The following LRIG2 variants were observed in gnomAD, a reference collection of about 807,000 sequenced individuals.
The protein encoded by LRIG2 is leucine-rich repeats and immunoglobulin-like domains protein 2.
In LRIG2, 93 loss-of-function variants were observed where a neutral mutation model predicts 107.8. The observed-to-expected ratio is 0.86, with a 90% CI of 0.73 to 1.03. LRIG2 has a LOEUF of 1.03. LRIG2 is among the 50% of genes least tolerant of loss of function. The pLI is 0.00. For synonymous variants in LRIG2, 471 were observed against 470.6 expected (o/e 1.00, Z -0.01); for missense variants, 1,226 against 1,296.0 (o/e 0.95, Z 0.83).
intron 1 of LRIG2, among the ~76,000 whole-genome samples, chr1:113,078,786 A>G (rs1337738404): frequency 1.3e-5 from 2 of 151,284 alleles, no homozygotes; most frequent in African/African-American, 2.4e-5. Flanking sequence ...GATTACAGGC[A>G]TGCACCACCA....
chr1:113,123,461 C>A lies in LRIG2; in HGVS notation c.2972-414C>A, dbSNP rs539227618. Among the ~76,000 whole-genome samples the A allele has an allele frequency of 4.9e-4, 75 of 152,266 alleles. 1 individual carries two copies. The highest frequency in any genetic ancestry group is 1.8e-3 in the African/African-American group (74 of 41,550). ...TGGTGGCACATGCCTGTAATCCCAGCTACTTGGGAGGCTGACGCAGTAGAA... is the reference window on the plus strand; with the variant it reads ...TGGTGGCACATGCCTGTAATCCCAGATACTTGGGAGGCTGACGCAGTAGAA... On this transcript the variant is annotated intron_variant, in intron 17 of 17. Coordinates refer to ENST00000361127, the MANE Select transcript of LRIG2 (RefSeq NM_014813.3).
At chr1:113,119,575 TCTTC>T in intron 17 of LRIG2, 52 bp downstream of exon 17, 1 of 1,546,114 alleles carries the variant, frequency 6.5e-7, no homozygotes, top group Non-Finnish European at 8.8e-7. Flanking sequence ...TCTAATTGAC[TCTTC>T]CTTCTATCAT....
intron 2 of LRIG2, among the ~76,000 whole-genome samples, chr1:113,091,940 A>G (rs924552994): frequency 6.6e-6 from 1 of 152,216 alleles, no homozygotes; most frequent in African/African-American, 2.4e-5. Context: ...TAGAGGCACA[A>G]CCGTTAAGGT....
At chr1:113,084,606 T>C (rs1653463642) in intron 1 of LRIG2, among the ~76,000 whole-genome samples, 1 of 107,508 alleles carries the variant, frequency 9.3e-6, no homozygotes, top group Admixed American at 1.2e-4. Context: ...ATATTAAAAA[T>C]GTTTTGCATT....
intron 1 of LRIG2, among the ~76,000 whole-genome samples, chr1:113,079,671 CAAAAAAAA>C (rs568909236): frequency 0.01 from 746 of 73,508 alleles, 4 homozygotes; most frequent in Non-Finnish European, 0.013. Context: ...GACTCCATCT[CAAAAAAAA>C]AAAAGAAAAA....
chr1:113,089,018 T>A (rs1288064812), intron 1 of LRIG2, among the ~76,000 whole-genome samples: 1 of 152,252 alleles, frequency 6.6e-6, no homozygotes, highest in Non-Finnish European at 1.5e-5. Context: ...AAGTGATGGT[T>A]TAACACACAG....
intron 16 of LRIG2, among the ~76,000 whole-genome samples, chr1:113,118,872 G>C (rs1165331491): frequency 2.6e-5 from 4 of 152,128 alleles, no homozygotes; most frequent in African/African-American, 4.8e-5. Flanking sequence ...CACCGTGTTA[G>C]CCAGGATGGT....
rs772956914 is a variant in LRIG2 at position 113,119,437 on chromosome 1, C to T, written c.2885C>T (p.Pro962Leu). Residue 962 changes from proline (P) to leucine (L), a missense_variant, in exon 17 of 18, where the codon CCG becomes CTG. Around this residue, in one of 3 missense-constraint regions of LRIG2, gnomAD observed 642 missense variants for 712.2 expected, o/e 0.90. Coordinates refer to ENST00000361127, the MANE Select transcript of LRIG2 (RefSeq NM_014813.3). The part of the protein sequence containing the change: ...QDTTALESLI[P>L]SANREPSAFP... ...ACTACTGCCCTAGAGAGCCTGATAC[C>T]GTCAGCCAACAGAGAGCCATCTGCC... 21 of 1,613,880 alleles carry T rather than the reference C, an allele frequency of 1.3e-5. No individual in the cohort carries two copies. Among genetic ancestry groups the T allele is most frequent in the Middle Eastern group, 1.6e-4 (1 of 6,084 alleles).
intron 1 of LRIG2, among the ~76,000 whole-genome samples, chr1:113,080,039 T>TTG: frequency 6.8e-6 from 1 of 147,760 alleles, no homozygotes; most frequent in East Asian, 2.0e-4. Context: ...TTTTTTTTTT[T>TTG]GAGACGGAAT....
chr1:113,074,270 G>A (rs967952837), intron 1 of LRIG2, among the ~76,000 whole-genome samples: 4 of 152,278 alleles, frequency 2.6e-5, no homozygotes, highest in Admixed American at 2.0e-4. Flanking sequence ...CTGTAAAGAG[G>A]AGGAGTATTT....
chr1:113,120,471 T>A (rs1033142873), intron 17 of LRIG2, among the ~76,000 whole-genome samples: 14 of 151,496 alleles, frequency 9.2e-5, no homozygotes, highest in Admixed American at 5.9e-4. Context: ...TAATAAAATT[T>A]GGGCATAATT....
rs570774054 is a variant in LRIG2, at chr1:113,073,643, C to A, written c.237C>A (p.Ile79=). 1 of 1,610,832 alleles carries A rather than the reference C, an allele frequency of 6.2e-7. No individual in the cohort carries two copies. Among genetic ancestry groups the A allele is most frequent in the Admixed American group, 1.7e-5 (1 of 59,978 alleles). The change falls in exon 1 of 18, where the codon ATC becomes ATA. Residue 79 remains isoleucine, a splice_region_variant and synonymous_variant. Coordinates refer to ENST00000361127, the MANE Select transcript of LRIG2 (RefSeq NM_014813.3). ...GCTTGCTGCCCCCCGACACCGCTATCCTGTGAGTAGAGCGGCCAGGCAGAG... is the reference window on the plus strand; with the variant it reads ...GCTTGCTGCCCCCCGACACCGCTATACTGTGAGTAGAGCGGCCAGGCAGAG... ...LSGLLPPDTA[I]LDFSHNRLSN... is the part of the protein sequence containing the mutation.
In LRIG2 at chr1:113,115,889, C is replaced by T. The variant is rs1570770232; in HGVS notation, c.2531-398C>T. ...TTTAATGTCTAAGGCTCCTTTTCAT[C>T]ATAATTTTGCTGTAAGGAAGAGTGG... On this transcript the variant is annotated intron_variant, in intron 15 of 17. Transcript: ENST00000361127. Among the ~76,000 whole-genome samples, 5 of 152,280 alleles carry T rather than the reference C, an allele frequency of 3.3e-5. No homozygotes were observed. In the South Asian group the frequency reaches 1.0e-3, roughly 32 times the overall value.
In LRIG2 at chr1:113,114,799, T is replaced by C; in HGVS notation, c.2453T>C (p.Val818Ala). Residue 818 changes from valine (V) to alanine (A), a missense_variant, in exon 15 of 18, where the codon GTT becomes GCT. Val to Ala is a moderately conservative substitution (Grantham distance 64, BLOSUM62 0). Around this residue, in one of 3 missense-constraint regions of LRIG2, gnomAD observed 642 missense variants for 712.2 expected, o/e 0.90. Transcript: ENST00000361127. ...IVIIVVVCCV[V>A]GTSLIWVIVI... Reference sequence around the variant, plus strand: ...ATCATTGTTGTGGTCTGCTGTGTTGTTGGCACTTCTTTGATCTGGGTCATT... The same window carrying C: ...ATCATTGTTGTGGTCTGCTGTGTTGCTGGCACTTCTTTGATCTGGGTCATT... 1 of 1,614,204 alleles carries C rather than the reference T, an allele frequency of 6.2e-7. No individual in the cohort carries two copies. The highest frequency in any genetic ancestry group is 8.5e-7 in the Non-Finnish European group (1 of 1,180,046).
Position 113,110,498 on chromosome 1 carries a change from T to C in LRIG2, c.1734T>C (p.Tyr578=), listed in dbSNP as rs780035832. 1.2e-5 allele frequency: 19 copies of C among 1,613,576 alleles called. No homozygotes were observed. Among genetic ancestry groups the C allele is most frequent in the Admixed American group, 5.0e-5 (3 of 60,022 alleles). Residue 578 remains tyrosine, a synonymous_variant, in exon 13 of 18, where the codon TAT becomes TAC. Transcript: ENST00000361127. ...TGAATTTCACAGATGAAGGAAAATA[T>C]CAGTGTATTGTTACTAATCACTTTG... ...FNVNFTDEGK[Y]QCIVTNHFGS...
chr1:113,118,253 A>G (rs543422262), intron 16 of LRIG2, among the ~76,000 whole-genome samples: 2 of 152,146 alleles, frequency 1.3e-5, no homozygotes, highest in South Asian at 4.2e-4. Flanking sequence ...CTCACTCTTT[A>G]TTTCTCACTC....
chr1:113,107,309 T>G (rs1287376553), intron 11 of LRIG2, among the ~76,000 whole-genome samples: 1 of 152,204 alleles, frequency 6.6e-6, no homozygotes, highest in Non-Finnish European at 1.5e-5. Flanking sequence ...TTTGCAGATT[T>G]TTTTTTCAAT....
chr1:113,100,346 A>T lies in LRIG2; in HGVS notation c.1244+64A>T, dbSNP rs1654253792. 9 of 1,458,820 alleles carry T rather than the reference A, an allele frequency of 6.2e-6. No individual in the cohort carries two copies. In the Admixed American group the frequency reaches 8.7e-5, roughly 14 times the overall value. The allele number at this position is 1,458,820 out of a possible 1,614,324, so 90.4% of individuals were successfully genotyped here. ...ATCTTTGCTATTAGCAGAGGTTTTC[A>T]TGACCATGTAAAGTGTTTATGTAAC... On this transcript the variant is annotated intron_variant, in intron 10 of 17. Coordinates refer to ENST00000361127, the MANE Select transcript of LRIG2 (RefSeq NM_014813.3).
chr1:113,091,364 T>A lies in LRIG2; in HGVS notation c.286T>A (p.Ser96Thr). The change falls in exon 2 of 18, where the codon TCA (serine) becomes ACA (threonine). Residue 96 changes from serine (S) to threonine (T), a missense_variant. Coordinates refer to ENST00000361127, the MANE Select transcript of LRIG2 (RefSeq NM_014813.3). ...GTCTAACTGGAACATCAGCTTGGAA[T>A]CACAAACATTACAGGAAGTGTAAGT... ...RLSNWNISLE[S>T]QTLQEVKMNY... 6.2e-7 allele frequency: 1 copy of A among 1,600,072 alleles called. No homozygotes were observed. Among genetic ancestry groups the A allele is most frequent in the East Asian group, 2.2e-5 (1 of 44,498 alleles).
Sources: gnomAD v4.1 joint callset for allele counts (sites outside exome capture counted in the v4.1 genomes callset) on GRCh38, gnomAD v4.1.1 for gene constraint, gnomAD v4.1.1 regional missense constraint, MANE v1.5 for transcripts, NCBI Gene and HGNC (gene_info 2026-07-23, HGNC 2026-07-21) for gene names.